Variants in RGS7 observed in about 807,000 individuals in gnomAD.
RGS7 encodes the protein regulator of G protein signaling 7, also known as regulator of G-protein signaling 7.
Under a neutral mutation model 81.1 loss-of-function variants are expected in RGS7, and 27 were observed. That is an observed-to-expected ratio of 0.33 (90% CI 0.25 to 0.46). The LOEUF is 0.46. RGS7 is among the 20% of genes least tolerant of loss of function. The pLI, the probability that RGS7 is intolerant of heterozygous loss-of-function variation, is 1.00. For synonymous variants in RGS7, 208 were observed against 207.7 expected (o/e 1.00, Z -0.01); for missense variants, 396 against 607.4 (o/e 0.65, Z 3.66).
chr1:240,802,493 C>T (rs1467752594), intron 16 of RGS7, among the ~76,000 whole-genome samples: 1 of 152,158 alleles, frequency 6.6e-6, no homozygotes, highest in Admixed American at 6.6e-5. Flanking sequence ...GGTGAGTCTA[C>T]TTTCAGTTAT....
chr1:240,978,031 T>C (rs1451811080), intron 4 of RGS7, among the ~76,000 whole-genome samples: 1 of 152,170 alleles, frequency 6.6e-6, no homozygotes, highest in Non-Finnish European at 1.5e-5. Context: ...TACTCCCAGG[T>C]CCAGCTCGCT....
At chr1:241,235,522 A>G (rs973165516) in intron 2 of RGS7, among the ~76,000 whole-genome samples, 9 of 151,714 alleles carry the variant, frequency 5.9e-5, no homozygotes, top group African/African-American at 1.9e-4. Flanking sequence ...AACTCCAACA[A>G]CGGTTATTGT....
chr1:240,787,592 T>C (rs1040031579), intron 18 of RGS7, among the ~76,000 whole-genome samples: 4 of 152,180 alleles, frequency 2.6e-5, no homozygotes, highest in African/African-American at 9.7e-5. Flanking sequence ...ATTTGAAAGA[T>C]TAAACTGATG....
intron 2 of RGS7, among the ~76,000 whole-genome samples, chr1:241,101,307 C>A (rs1191319711): frequency 6.6e-6 from 1 of 152,028 alleles, no homozygotes; most frequent in Non-Finnish European, 1.5e-5. Context: ...ACCAGCCTGG[C>A]CAACATGGCG....
chr1:241,219,292 G>T (rs1449132791), intron 2 of RGS7, among the ~76,000 whole-genome samples: 1 of 152,090 alleles, frequency 6.6e-6, no homozygotes, highest in Non-Finnish European at 1.5e-5. Flanking sequence ...AGATCTGATG[G>T]TTTTAAAAAG....
chr1:240,930,275 C>T (rs1325538168), intron 6 of RGS7, among the ~76,000 whole-genome samples: 1 of 148,466 alleles, frequency 6.7e-6, no homozygotes, highest in Non-Finnish European at 1.5e-5. Context: ...TAACACAACC[C>T]TCCACCTATA....
chr1:241,070,579 C>A (rs1266122905), intron 3 of RGS7, among the ~76,000 whole-genome samples: 1 of 152,080 alleles, frequency 6.6e-6, no homozygotes, highest in Admixed American at 6.5e-5. Flanking sequence ...CTTCTTGAGG[C>A]CTTGATTAGA....
chr1:241,333,599 T>A (rs542791334), intron 2 of RGS7, among the ~76,000 whole-genome samples: 1 of 152,178 alleles, frequency 6.6e-6, no homozygotes, highest in Non-Finnish European at 1.5e-5. Context: ...GGAAACACTA[T>A]GTAAAATCCA....
At chr1:241,328,717 C>T (rs2081769379) in intron 2 of RGS7, among the ~76,000 whole-genome samples, 3 of 152,250 alleles carry the variant, frequency 2.0e-5, no homozygotes, top group African/African-American at 4.8e-5. Context: ...GGGATGCTTG[C>T]TCTAATACCT....
At chr1:240,808,321 A>G (rs1379813040) in intron 14 of RGS7, among the ~76,000 whole-genome samples, 2 of 152,142 alleles carry the variant, frequency 1.3e-5, no homozygotes, top group Non-Finnish European at 2.9e-5. Context: ...GAAAAGGGGG[A>G]TCTAGACAAA....
At chr1:241,145,205 A>G (rs2068225122) in intron 2 of RGS7, among the ~76,000 whole-genome samples, 1 of 151,556 alleles carries the variant, frequency 6.6e-6, no homozygotes, top group Non-Finnish European at 1.5e-5. Context: ...TTTAGTAGAG[A>G]CGGGGTTTCA....
chr1:240,911,031 T>G (rs1440144200), intron 6 of RGS7, among the ~76,000 whole-genome samples: 1 of 152,148 alleles, frequency 6.6e-6, no homozygotes, highest in Non-Finnish European at 1.5e-5. Flanking sequence ...TTTAAAGAAT[T>G]CTCTAGTTCA....
chr1:240,910,929 A>G (rs1236149818), intron 6 of RGS7, among the ~76,000 whole-genome samples: 1 of 152,124 alleles, frequency 6.6e-6, no homozygotes, highest in African/African-American at 2.4e-5. Flanking sequence ...CATGTTGGTC[A>G]GGCCAGGCAA....
chr1:240,921,562 A>G (rs1275288609), intron 6 of RGS7, among the ~76,000 whole-genome samples: 2 of 152,172 alleles, frequency 1.3e-5, no homozygotes, highest in African/African-American at 4.8e-5. Context: ...CTTAGAACTA[A>G]GTGATCATAG....
At chr1:241,034,884 G>A (rs921336491) in intron 3 of RGS7, among the ~76,000 whole-genome samples, 3 of 152,142 alleles carry the variant, frequency 2.0e-5, no homozygotes, top group African/African-American at 4.8e-5. Flanking sequence ...GATAGAAAAC[G>A]ATTTTGAGAG....
intron 2 of RGS7, among the ~76,000 whole-genome samples, chr1:241,135,441 A>C (rs1358968846): frequency 1.3e-5 from 2 of 152,004 alleles, no homozygotes; most frequent in Non-Finnish European, 2.9e-5. Flanking sequence ...ACAACAACAA[A>C]AAACAAAAAA....
At chr1:241,146,926 T>A (rs1486325803) in intron 2 of RGS7, among the ~76,000 whole-genome samples, 1 of 152,086 alleles carries the variant, frequency 6.6e-6, no homozygotes, top group Non-Finnish European at 1.5e-5. Flanking sequence ...CCTAATCACC[T>A]CCCCAAGCCC....
chr1:240,779,707 C>G (rs1393502879), intron 18 of RGS7, among the ~76,000 whole-genome samples: 1 of 152,182 alleles, frequency 6.6e-6, no homozygotes, highest in African/African-American at 2.4e-5. Context: ...GCCTCCACTT[C>G]TATGCCTATT....
chr1:240,865,949 C>T (rs1239196852), intron 9 of RGS7, among the ~76,000 whole-genome samples: 1 of 152,168 alleles, frequency 6.6e-6, no homozygotes, highest in Non-Finnish European at 1.5e-5. Context: ...TGTCTATTAA[C>T]TCACAGTAAG....
Sources: gnomAD v4.1 joint callset for allele counts (sites outside exome capture counted in the v4.1 genomes callset) on GRCh38, gnomAD v4.1.1 for gene constraint, MANE v1.5 for transcripts, NCBI Gene and HGNC (gene_info 2026-07-23, HGNC 2026-07-21) for gene names.